The following WRNIP1 variants were observed in gnomAD, a reference collection of about 807,000 sequenced individuals.
WRNIP1 encodes the protein WRN helicase interacting protein 1.
A neutral mutation model predicts 56.1 loss-of-function variants in WRNIP1; 41 were observed. That is an observed-to-expected ratio of 0.73 (90% CI 0.57 to 0.95). The LOEUF (loss-of-function observed/expected upper bound fraction) is 0.95, where lower values mean the gene tolerates loss of function less well. WRNIP1 is among the 40% of genes least tolerant of loss of function. The pLI is 0.00. For synonymous variants in WRNIP1, 547 were observed against 398.1 expected (o/e 1.37, Z -4.45); for missense variants, 1,170 against 939.4 (o/e 1.25, Z -3.21).
Position 2,765,736 on chromosome 6 carries a change from C to T in WRNIP1, c.114C>T (p.Arg38=). 2.6e-6 allele frequency: 4 copies of T among 1,526,206 alleles called. No homozygotes were observed. Among genetic ancestry groups the T allele is most frequent in the Non-Finnish European group, 3.5e-6 (4 of 1,144,846 alleles). The allele number at this position is 1,526,206 out of a possible 1,614,324, so 94.5% of individuals were successfully genotyped here. The part of the protein sequence containing the change: ...PAAHINSHLD[R]CLLLHPAGHA... Reference sequence around the variant, plus strand: ...CGCACATCAACTCGCACCTGGACCGCTGTCTGCTGCTCCACCCGGCGGGGC... The same window carrying T: ...CGCACATCAACTCGCACCTGGACCGTTGTCTGCTGCTCCACCCGGCGGGGC... The change falls in exon 1 of 7, where the codon CGC becomes CGT. Residue 38 remains arginine (R), a synonymous_variant. Transcript: ENST00000380773.
At chr6:2,782,666 T>C (rs187906291) in intron 4 of WRNIP1, among the ~76,000 whole-genome samples, 1 of 152,272 alleles carries the variant, frequency 6.6e-6, no homozygotes, top group Non-Finnish European at 1.5e-5. Flanking sequence ...CAGGTGCCAC[T>C]GCTTAGTTCC....
intron 4 of WRNIP1, 57 bp from the exon 5 acceptor site, chr6:2,783,349 A>G (rs1341676645): frequency 6.8e-7 from 1 of 1,480,584 alleles, no homozygotes; most frequent in Non-Finnish European, 9.0e-7. Context: ...GGAGGTGAAG[A>G]TGGCTTGGGC....
At position 2,765,790 on chromosome 6, in the gene WRNIP1, C is replaced by A; in HGVS notation, c.168C>A (p.Arg56=). 1.4e-6 allele frequency: 2 copies of A among 1,416,702 alleles called. No individual in the cohort carries two copies. The highest frequency in any genetic ancestry group is 1.8e-6 in the Non-Finnish European group (2 of 1,086,072). 87.8% of individuals were successfully genotyped at this position (1,416,702 alleles called of 1,614,324 possible). The change falls in exon 1 of 7, where the codon CGC becomes CGA. Residue 56 remains arginine (R), a synonymous_variant. Coordinates refer to ENST00000380773, the MANE Select transcript of WRNIP1 (RefSeq NM_020135.3). The part of the protein sequence containing the change: ...GHAEPAAGSH[R]AGERAKGPSP... ...CGGAGCCCGCGGCCGGGTCGCACCG[C>A]GCCGGGGAGCGGGCCAAGGGGCCCT...
chr6:2,765,448 A>G lies in WRNIP1; in HGVS notation c.-175A>G. ...CCAGCGGCCGGCCGAGGGCGGGCGG[A>G]CGCGGGAGCTGCGGACGTGAGGCAT... On this transcript the variant is annotated 5_prime_UTR_variant, in exon 1 of 7. Coordinates refer to ENST00000380773, the MANE Select transcript of WRNIP1 (RefSeq NM_020135.3). 1.4e-6 allele frequency: 1 copy of G among 736,254 alleles called. No homozygotes were observed. Among genetic ancestry groups the G allele is most frequent in the Non-Finnish European group, 1.8e-6 (1 of 547,694 alleles). 45.6% of individuals were successfully genotyped at this position (736,254 alleles called of 1,614,324 possible).
intron 3 of WRNIP1, among the ~76,000 whole-genome samples, chr6:2,774,849 T>A (rs1454172935): frequency 6.6e-6 from 1 of 152,218 alleles, no homozygotes; most frequent in African/African-American, 2.4e-5. Context: ...GGGCTCTGCC[T>A]TGGATATGTG....
chr6:2,784,615 G>A (rs1375130858), intron 6 of WRNIP1, among the ~76,000 whole-genome samples: 2 of 152,168 alleles, frequency 1.3e-5, no homozygotes, highest in Non-Finnish European at 2.9e-5. Flanking sequence ...CTGTTCTCGG[G>A]ATTCCGGGGT....
At chr6:2,784,757 T>C (rs1352712016) in intron 6 of WRNIP1, among the ~76,000 whole-genome samples, 1 of 152,084 alleles carries the variant, frequency 6.6e-6, no homozygotes, top group African/African-American at 2.4e-5. Context: ...AAGAAAAATT[T>C]AATGTAGTAA....
chr6:2,766,139 G>C lies in WRNIP1; in HGVS notation c.517G>C (p.Asp173His). The C allele has an allele frequency of 8.1e-7, 1 of 1,241,046 alleles. No homozygotes were observed. 76.9% of individuals were successfully genotyped at this position (1,241,046 alleles called of 1,614,324 possible). Reference sequence around the variant, plus strand: ...GGAGGAGGAGGCCGTGGGCGACGGCGATGGCGACGGGGACGCGGACGCGGA... The same window carrying C: ...GGAGGAGGAGGCCGTGGGCGACGGCCATGGCGACGGGGACGCGGACGCGGA... The part of the protein sequence containing the change: ...QEEEEAVGDG[D>H]GDGDADADGE... The change falls in exon 1 of 7, where the codon GAT becomes CAT. Residue 173 changes from aspartate (D) to histidine (H), a missense_variant. Transcript: ENST00000380773.
At chr6:2,774,145 T>C (rs1765377784) in intron 3 of WRNIP1, 1 of 985,244 alleles carries the variant, frequency 1.0e-6, no homozygotes, top group Non-Finnish European at 1.2e-6. Context: ...GTCAATCTTT[T>C]TATTTAAAAA....
At chr6:2,783,745 C>T (rs976282234) in intron 5 of WRNIP1, among the ~76,000 whole-genome samples, 184 bp downstream of exon 5, 3 of 148,890 alleles carry the variant, frequency 2.0e-5, no homozygotes, top group African/African-American at 5.0e-5. Flanking sequence ...TGAGCTCAGT[C>T]GTTTATTTCC....
At chr6:2,773,659 C>T (rs940975185) in intron 3 of WRNIP1, 1 of 985,306 alleles carries the variant, frequency 1.0e-6, no homozygotes. Flanking sequence ...TGAGCTTGTG[C>T]TGCTGAAAAT....
chr6:2,768,604 G>T, intron 1 of WRNIP1, 87 bp from the exon 2 acceptor site: 1 of 1,183,102 alleles, frequency 8.5e-7, no homozygotes, highest in Non-Finnish European at 1.2e-6. Flanking sequence ...TTGGTAAATA[G>T]TGATGCTGCG....
At chr6:2,780,247 T>C (rs926393328) in intron 4 of WRNIP1, among the ~76,000 whole-genome samples, 3 of 152,234 alleles carry the variant, frequency 2.0e-5, no homozygotes, top group African/African-American at 7.2e-5. Context: ...ATTTCCACAC[T>C]TTTCAAAGCT....
At position 2,779,023 on chromosome 6, in the gene WRNIP1, A is replaced by G. The variant is rs150575286; in HGVS notation, c.1257-240A>G. 3.9e-3 allele frequency among the ~76,000 whole-genome samples: 593 copies of G among 152,218 alleles called. 3 individuals are homozygous for G. Among genetic ancestry groups the G allele is most frequent in the Non-Finnish European group, 4.7e-3 (320 of 68,006 alleles). On this transcript the variant is annotated intron_variant, in intron 3 of 6. Transcript: ENST00000380773. ...GTTTCACACAGACTTAGATGTATGA[A>G]CCTATGCAGTGAGATACCCTCGACA...
Position 2,785,430 on chromosome 6 carries a change from G to A in WRNIP1, c.*148G>A, listed in dbSNP as rs1190634049. 31 of 833,708 alleles carry A rather than the reference G, an allele frequency of 3.7e-5. No individual in the cohort carries two copies. The highest frequency in any genetic ancestry group is 7.3e-4 in the Middle Eastern group (2 of 2,746). 51.6% of individuals were successfully genotyped at this position (833,708 alleles called of 1,614,324 possible). On this transcript the variant is annotated 3_prime_UTR_variant, in exon 7 of 7. Transcript: ENST00000380773. ...ATTTAAGAGTTCCATAGGTGGAGGC[G>A]CAGTTCTTTCGAATAAATGTGTAAC...
chr6:2,768,097 G>A (rs988019289), intron 1 of WRNIP1, among the ~76,000 whole-genome samples: 4 of 152,148 alleles, frequency 2.6e-5, no homozygotes, highest in African/African-American at 9.7e-5. Context: ...GGTCTCCTTG[G>A]TTTTCTAGTA....
chr6:2,772,528 T>C (rs138501725), intron 3 of WRNIP1, among the ~76,000 whole-genome samples: 1,551 of 152,350 alleles, frequency 0.01, 23 homozygotes, highest in African/African-American at 0.035. Context: ...TTAATATGTT[T>C]TGCATTATCC....
At position 2,770,258 on chromosome 6, in the gene WRNIP1, A is replaced by G. The variant is rs373529282; in HGVS notation, c.1153A>G (p.Met385Val). The G allele has an allele frequency of 2.5e-5, 40 of 1,614,180 alleles. No individual in the cohort carries two copies. The highest frequency in any genetic ancestry group is 4.4e-5 in the South Asian group (4 of 91,082). Residue 385 changes from methionine (M) to valine (V), a missense_variant, in exon 3 of 7, where the codon ATG becomes GTG. Met to Val is a conservative substitution (Grantham distance 21). Transcript: ENST00000380773. ...IVLEKLPVEA[M>V]VTILMRAINS... ...TCTTGAGAAGCTTCCAGTAGAGGCA[A>G]TGGTGACTATTTTAATGCGAGCGAT...
At chr6:2,776,720 T>C (rs1561913869) in intron 3 of WRNIP1, among the ~76,000 whole-genome samples, 2 of 152,202 alleles carry the variant, frequency 1.3e-5, no homozygotes, top group Non-Finnish European at 2.9e-5. Flanking sequence ...TGAGGACTAA[T>C]GGAAATGAGG....
Sources: gnomAD v4.1 joint callset for allele counts (sites outside exome capture counted in the v4.1 genomes callset) on GRCh38, gnomAD v4.1.1 for gene constraint, MANE v1.5 for transcripts, NCBI Gene and HGNC (gene_info 2026-07-23, HGNC 2026-07-21) for gene names.